The following CYYR1 variants were observed in gnomAD, a reference collection of about 807,000 sequenced individuals.
The protein encoded by CYYR1 is cysteine and tyrosine rich 1.
CYYR1 carries 14 observed loss-of-function variants against 15.2 expected under a neutral mutation model. The ratio of observed to expected loss-of-function variants is 0.92; its 90% CI spans 0.61 to 1.44. The LOEUF is 1.44. CYYR1 is among the 40% of genes most tolerant of loss of function. The pLI, the probability that CYYR1 is intolerant of heterozygous loss-of-function variation, is 0.00. For synonymous variants in CYYR1, 80 were observed against 77.4 expected (o/e 1.03, Z -0.18); for missense variants, 228 against 209.5 (o/e 1.09, Z -0.54).
At chr21:26,471,762 G>T (rs999710013) in intron 3 of CYYR1, 39 of 152,150 alleles carry the variant, frequency 2.6e-4, no homozygotes, top group African/African-American at 9.4e-4. Flanking sequence ...TTTTTTACAG[G>T]TGAAATCATA....
At chr21:26,544,973 A>C (rs1263434724) in intron 2 of CYYR1, among the ~76,000 whole-genome samples, 1 of 152,138 alleles carries the variant, frequency 6.6e-6, no homozygotes, top group East Asian at 1.9e-4. Context: ...AAAAAGAAAA[A>C]GATAAATTAT....
At chr21:26,498,559 G>C (rs771888612) in intron 2 of CYYR1, among the ~76,000 whole-genome samples, 4 of 152,162 alleles carry the variant, frequency 2.6e-5, no homozygotes, top group Non-Finnish European at 4.4e-5. Flanking sequence ...ATTAAGTCTA[G>C]CTTGTGAAGG....
chr21:26,501,824 C>T (rs191996), intron 2 of CYYR1, among the ~76,000 whole-genome samples: 64,459 of 151,910 alleles, frequency 0.42, 15,127 homozygotes, highest in Non-Finnish European at 0.54. Flanking sequence ...CTGCAAAGTG[C>T]ACTGACGATG....
intron 2 of CYYR1, among the ~76,000 whole-genome samples, chr21:26,530,003 A>G (rs2830268): frequency 0.02 from 3,065 of 152,350 alleles, 41 homozygotes; most frequent in African/African-American, 0.025. Context: ...AAATACTGAC[A>G]TATGTTGACA....
At chr21:26,558,671 A>G (rs895750681) in intron 2 of CYYR1, among the ~76,000 whole-genome samples, 1 of 152,170 alleles carries the variant, frequency 6.6e-6, no homozygotes, top group Non-Finnish European at 1.5e-5. Context: ...CACATTCATG[A>G]CATGTGTTTG....
At chr21:26,544,142 G>T (rs1433413553) in intron 2 of CYYR1, among the ~76,000 whole-genome samples, 3 of 152,138 alleles carry the variant, frequency 2.0e-5, no homozygotes, top group African/African-American at 7.2e-5. Flanking sequence ...TTACCGTTCT[G>T]AAGACTAAAA....
intron 2 of CYYR1, among the ~76,000 whole-genome samples, chr21:26,538,823 G>A (rs895315860): frequency 6.6e-6 from 1 of 152,114 alleles, no homozygotes; most frequent in Admixed American, 6.6e-5. Context: ...TAAAGTCTAG[G>A]ATCCTGTTTT....
Position 26,468,486 on chromosome 21 carries a change from G to T in CYYR1, c.*15C>A. On this transcript the variant is annotated 3_prime_UTR_variant, in exon 4 of 4. Coordinates refer to ENST00000652641, the MANE Select transcript of CYYR1 (RefSeq NM_001320768.2). ...AAGATCGCCCATTGGCACATGTTCT[G>T]TTCTGGGAGATAGATTATTTCCTTG... 6.7e-7 allele frequency: 1 copy of T among 1,482,208 alleles called. No individual in the cohort carries two copies. The highest frequency in any genetic ancestry group is 9.4e-7 in the Non-Finnish European group (1 of 1,059,496). 91.8% of individuals were successfully genotyped at this position (1,482,208 alleles called of 1,614,324 possible). A position where few individuals can be genotyped will look rare whatever the true frequency, so the allele number is the denominator to read the frequency against.
At chr21:26,492,038 C>T (rs1659517891) in intron 2 of CYYR1, among the ~76,000 whole-genome samples, 1 of 152,240 alleles carries the variant, frequency 6.6e-6, no homozygotes. Context: ...TGCTCACAAC[C>T]TTACCTGTGT....
intron 2 of CYYR1, among the ~76,000 whole-genome samples, chr21:26,537,735 G>A (rs962910728): frequency 4.6e-5 from 7 of 152,040 alleles, no homozygotes; most frequent in Admixed American, 3.9e-4. Context: ...GCTATGGTCC[G>A]AATATTTGGG....
intron 3 of CYYR1, among the ~76,000 whole-genome samples, chr21:26,474,203 T>C (rs1036623572): frequency 1.3e-5 from 2 of 151,790 alleles, no homozygotes; most frequent in Admixed American, 6.6e-5. Context: ...CACAGGCGCC[T>C]GCCACCATAC....
intron 2 of CYYR1, among the ~76,000 whole-genome samples, chr21:26,481,596 G>A (rs1564167): frequency 0.85 from 129,411 of 151,944 alleles, 56,205 homozygotes; most frequent in African/African-American, 0.96. Flanking sequence ...TCCACGGTGT[G>A]TATGTACTAC....
At chr21:26,518,899 G>A (rs1199724512) in intron 2 of CYYR1, among the ~76,000 whole-genome samples, 4 of 152,114 alleles carry the variant, frequency 2.6e-5, no homozygotes, top group Non-Finnish European at 4.4e-5. Context: ...AGTATCACTG[G>A]AATCCGTACA....
At chr21:26,487,809 C>T (rs900990871) in intron 2 of CYYR1, among the ~76,000 whole-genome samples, 8 of 151,256 alleles carry the variant, frequency 5.3e-5, no homozygotes, top group African/African-American at 1.2e-4. Flanking sequence ...ACCATAATAT[C>T]GAATAGTTAA....
intron 2 of CYYR1, among the ~76,000 whole-genome samples, chr21:26,545,386 G>C (rs1318706622): frequency 6.6e-6 from 1 of 151,978 alleles, no homozygotes; most frequent in East Asian, 1.9e-4. Flanking sequence ...TGACCATCCA[G>C]TGGGAAGCAG....
At chr21:26,519,226 G>C (rs911298374) in intron 2 of CYYR1, among the ~76,000 whole-genome samples, 1 of 152,148 alleles carries the variant, frequency 6.6e-6, no homozygotes, top group African/African-American at 2.4e-5. Flanking sequence ...ACATCCTGGA[G>C]GGGCGGGGGA....
intron 2 of CYYR1, chr21:26,564,859 T>C (rs1052254497): frequency 8.8e-7 from 1 of 1,132,178 alleles, no homozygotes; most frequent in Non-Finnish European, 1.1e-6. Context: ...AAAAAAAAAA[T>C]TTAAATTTAT....
chr21:26,473,711 T>C (rs1005220350), intron 3 of CYYR1, among the ~76,000 whole-genome samples: 12 of 152,176 alleles, frequency 7.9e-5, no homozygotes, highest in African/African-American at 2.2e-4. Context: ...AGAAATCACC[T>C]GCTGAGAGTG....
chr21:26,557,699 C>A (rs982758915), intron 2 of CYYR1, among the ~76,000 whole-genome samples: 22 of 152,252 alleles, frequency 1.4e-4, no homozygotes, highest in Middle Eastern at 3.4e-3. Context: ...TCCCACACAC[C>A]TTTCAACCCC....
Sources: allele counts gnomAD v4.1 joint callset (sites outside exome capture counted in the v4.1 genomes callset), GRCh38; gene constraint gnomAD v4.1.1; transcripts MANE v1.5; gene names NCBI Gene and HGNC (gene_info 2026-07-23, HGNC 2026-07-21).